CPNE4: variants seen among roughly 807,000 people sequenced by gnomAD.
CPNE4 encodes the protein copine-4.
CPNE4 carries 25 observed loss-of-function variants against 67.9 expected under a neutral mutation model. The observed-to-expected ratio is 0.37, with a 90% CI of 0.27 to 0.51. The LOEUF (loss-of-function observed/expected upper bound fraction) is 0.51, where lower values mean the gene tolerates loss of function less well. Ranked by LOEUF, CPNE4 falls within the 20% of genes least tolerant of loss-of-function variation. The probability of loss-of-function intolerance (pLI) is 0.93; values close to 1 mark genes in which losing one functional copy is unlikely to be tolerated. For missense variants in CPNE4, 464 were observed against 690.8 expected (o/e 0.67, Z 3.68); for synonymous variants, 242 against 244.9 (o/e 0.99, Z 0.11).
At chr3:131,693,635 T>C (rs1355640367) in intron 5 of CPNE4, among the ~76,000 whole-genome samples, 2 of 152,136 alleles carry the variant, frequency 1.3e-5, no homozygotes, top group African/African-American at 4.8e-5. Context: ...AAGAAAATTA[T>C]GTCTTGGCAT....
At chr3:131,906,012 G>A (rs2088735138) in intron 1 of CPNE4, among the ~76,000 whole-genome samples, 1 of 152,020 alleles carries the variant, frequency 6.6e-6, no homozygotes, top group Admixed American at 6.6e-5. Context: ...GTGCCCAAAT[G>A]CACTAGCCCA....
At chr3:131,924,741 T>C (rs112808409) in intron 1 of CPNE4, among the ~76,000 whole-genome samples, 9 of 152,258 alleles carry the variant, frequency 5.9e-5, no homozygotes, top group Non-Finnish European at 1.2e-4. Flanking sequence ...TGACATAAAC[T>C]ATACTTTTTG....
intron 1 of CPNE4, among the ~76,000 whole-genome samples, 190 bp from the exon 2 acceptor site, chr3:131,905,634 A>G (rs1312468522): frequency 6.6e-6 from 1 of 152,194 alleles, no homozygotes; most frequent in Admixed American, 6.5e-5. Flanking sequence ...AAACAAACAA[A>G]AAACAGGTGC....
chr3:131,792,082 T>C (rs2083739616), intron 2 of CPNE4, among the ~76,000 whole-genome samples: 1 of 152,094 alleles, frequency 6.6e-6, no homozygotes. Flanking sequence ...GGAAGAGACA[T>C]GAGGCAGGAA....
chr3:131,811,927 AC>A (rs917537546), intron 2 of CPNE4, among the ~76,000 whole-genome samples: 2 of 152,158 alleles, frequency 1.3e-5, no homozygotes, highest in Non-Finnish European at 2.9e-5. Context: ...ACAGCTAACA[AC>A]TGGCAAAAGA....
chr3:131,690,447 C>T (rs1204468371), intron 5 of CPNE4, among the ~76,000 whole-genome samples: 2 of 152,070 alleles, frequency 1.3e-5, no homozygotes, highest in Non-Finnish European at 2.9e-5. Flanking sequence ...AGAAATGTCT[C>T]CCTATTCAAT....
chr3:131,892,655 AT>A (rs1316501765), intron 2 of CPNE4, among the ~76,000 whole-genome samples: 1 of 152,228 alleles, frequency 6.6e-6, no homozygotes, highest in East Asian at 1.9e-4. Context: ...CACATAATGG[AT>A]TTTTTTAAAG....
At chr3:131,885,908 C>T (rs1159525788) in intron 2 of CPNE4, among the ~76,000 whole-genome samples, 2 of 152,126 alleles carry the variant, frequency 1.3e-5, no homozygotes, top group Non-Finnish European at 2.9e-5. Flanking sequence ...AAAAGGGAAA[C>T]AGAGCATAAA....
chr3:131,959,235 C>T (rs1187493579), intron 1 of CPNE4, among the ~76,000 whole-genome samples: 1 of 52,526 alleles, frequency 1.9e-5, no homozygotes, highest in Non-Finnish European at 3.6e-5. Flanking sequence ...CTCCTGACCT[C>T]GTGATCCGCC....
chr3:131,993,955 A>C (rs1413842661), intron 1 of CPNE4, among the ~76,000 whole-genome samples: 1 of 136,500 alleles, frequency 7.3e-6, no homozygotes, highest in Non-Finnish European at 1.7e-5. Flanking sequence ...CATTAGAACT[A>C]AGTGAGCTTA....
intron 2 of CPNE4, among the ~76,000 whole-genome samples, chr3:131,840,213 A>G (rs747963422): frequency 6.6e-6 from 1 of 152,178 alleles, no homozygotes; most frequent in African/African-American, 2.4e-5. Context: ...AATTTTCTCA[A>G]TTAGTTTCCA....
chr3:131,920,861 G>A (rs1476955141), intron 1 of CPNE4, among the ~76,000 whole-genome samples: 1 of 152,056 alleles, frequency 6.6e-6, no homozygotes, highest in African/African-American at 2.4e-5. Context: ...ACTGCTCCTC[G>A]ATTCTCCTTC....
chr3:131,817,286 T>C (rs376594791), intron 2 of CPNE4, among the ~76,000 whole-genome samples: 3 of 152,182 alleles, frequency 2.0e-5, no homozygotes, highest in Admixed American at 2.0e-4. Flanking sequence ...ATTGCGAAGG[T>C]AAGGCTTAAA....
At chr3:131,686,108 C>A in intron 5 of CPNE4, 150 bp from the exon 6 acceptor site, 1 of 588,584 alleles carries the variant, frequency 1.7e-6, no homozygotes, top group East Asian at 2.9e-5. Flanking sequence ...TCTTCCTGCC[C>A]AGTTCTACTC....
At chr3:131,549,472 A>G (rs1037031190) in intron 14 of CPNE4, among the ~76,000 whole-genome samples, 2 of 152,124 alleles carry the variant, frequency 1.3e-5, no homozygotes, top group Non-Finnish European at 2.9e-5. Flanking sequence ...AAGAAAAGCA[A>G]TAGAATATGA....
Position 131,792,925 on chromosome 3 carries a change from G to GTGTGTGTGTATCTATA in CPNE4, c.181-69301_181-69300insTATAGATACACACACA, listed in dbSNP as rs58502463. On this transcript the variant is annotated intron_variant, in intron 2 of 15. Transcript: ENST00000429747. ...TGTGTGTGTGTGTGTGTGTGTGTGTGTATCTCCAACAAAACATGCCAAAAC... is the reference window on the plus strand; with the variant it reads ...TGTGTGTGTGTGTGTGTGTGTGTGTGTGTGTGTGTATCTATATATCTCCAACAAAACATGCCAAAAC... Among the ~76,000 whole-genome samples the GTGTGTGTGTATCTATA allele has an allele frequency of 5.4e-3, 736 of 135,184 alleles. 11 individuals carry two copies. The highest frequency in any genetic ancestry group is 0.019 in the African/African-American group (651 of 34,948). The allele number at this position is 135,184 out of a possible 152,430, so 88.7% of individuals were successfully genotyped here. A position where few individuals can be genotyped will look rare whatever the true frequency, so the allele number is the denominator to read the frequency against.
intron 3 of CPNE4, among the ~76,000 whole-genome samples, chr3:131,705,927 T>C (rs927174493): frequency 6.6e-6 from 1 of 152,202 alleles, no homozygotes; most frequent in Non-Finnish European, 1.5e-5. Context: ...GCTCAGTTAT[T>C]AGTCAGAGGC....
At chr3:132,010,778 C>T (rs929850902) in intron 1 of CPNE4, among the ~76,000 whole-genome samples, 1 of 152,212 alleles carries the variant, frequency 6.6e-6, no homozygotes, top group Non-Finnish European at 1.5e-5. Flanking sequence ...GACACCCCTC[C>T]TCCCACTTTA....
rs565415311 is a variant in CPNE4, at chr3:131,838,596, A to C, written c.180+66668T>G. Among the ~76,000 whole-genome samples, 4 of 129,916 alleles carry C rather than the reference A, an allele frequency of 3.1e-5. No homozygotes were observed. The East Asian group carries it at 9.9e-4, about 32-fold the overall frequency. 85.2% of individuals were successfully genotyped at this position (129,916 alleles called of 152,430 possible). On this transcript the variant is annotated intron_variant, in intron 2 of 15. Coordinates refer to ENST00000429747, the MANE Select transcript of CPNE4 (RefSeq NM_130808.3). The stretch of plus-strand genomic sequence containing the variant: ...AATAATAATAATGTTGATGAACATT[A>C]AAGTATTCCTTAAAGGCTTTTACCA...
Sources: allele counts gnomAD v4.1 joint callset (sites outside exome capture counted in the v4.1 genomes callset), GRCh38; gene constraint gnomAD v4.1.1; transcripts MANE v1.5; gene names NCBI Gene and HGNC (gene_info 2026-07-23, HGNC 2026-07-21).